The following NNMT variants were observed in gnomAD, a reference collection of about 807,000 sequenced individuals.
The protein encoded by NNMT is nicotinamide N-methyltransferase.
A neutral mutation model predicts 11.7 loss-of-function variants in NNMT; 10 were observed. That is an observed-to-expected ratio of 0.85 (90% CI 0.53 to 1.45). The LOEUF is 1.45. Among genes scored for constraint, NNMT ranks in the 40% most tolerant of loss-of-function variants. The pLI, the probability that NNMT is intolerant of heterozygous loss-of-function variation, is 0.00. For missense variants in NNMT, 381 were observed against 319.4 expected (o/e 1.19, Z -1.47); for synonymous variants, 143 against 133.8 (o/e 1.07, Z -0.48).
At chr11:114,265,859 C>T (rs1945116035) in intron 2 of NNMT, among the ~76,000 whole-genome samples, 1 of 152,106 alleles carries the variant, frequency 6.6e-6, no homozygotes, top group Non-Finnish European at 1.5e-5. Context: ...TATTATTCTG[C>T]ACCGCCAAGT....
chr11:114,311,466 T>C (rs1945548602), intron 2 of NNMT, among the ~76,000 whole-genome samples: 1 of 152,248 alleles, frequency 6.6e-6, no homozygotes, highest in African/African-American at 2.4e-5. Context: ...AATCTGAGAA[T>C]GGGAAATGTA....
intron 2 of NNMT, among the ~76,000 whole-genome samples, chr11:114,278,559 CAG>C (rs1016903201): frequency 1.3e-5 from 2 of 151,794 alleles, no homozygotes; most frequent in African/African-American, 2.4e-5. Context: ...TCCAAGCAGG[CAG>C]AGAGTACCAG....
At chr11:114,275,068 C>T (rs1307508035) in intron 2 of NNMT, among the ~76,000 whole-genome samples, 4 of 152,192 alleles carry the variant, frequency 2.6e-5, no homozygotes, top group Admixed American at 2.6e-4. Flanking sequence ...CAAAATACCC[C>T]ACATCCTAGT....
intron 2 of NNMT, among the ~76,000 whole-genome samples, chr11:114,276,650 T>G (rs539993060): frequency 2.0e-5 from 3 of 152,164 alleles, no homozygotes; most frequent in African/African-American, 4.8e-5. Flanking sequence ...AAGCTGTGCT[T>G]CTTCTTGTTT....
chr11:114,306,620 T>C (rs1270641806), intron 2 of NNMT, among the ~76,000 whole-genome samples: 1 of 152,156 alleles, frequency 6.6e-6, no homozygotes, highest in African/African-American at 2.4e-5. Context: ...TTTCCCTATT[T>C]CTTGTTTTTG....
chr11:114,309,884 G>A (rs1945534257), intron 2 of NNMT, among the ~76,000 whole-genome samples: 1 of 152,070 alleles, frequency 6.6e-6, no homozygotes, highest in Admixed American at 6.5e-5. Context: ...TACAATATGT[G>A]GCCTTTTGGT....
At chr11:114,279,767 G>A (rs953825461) in intron 2 of NNMT, among the ~76,000 whole-genome samples, 1 of 152,204 alleles carries the variant, frequency 6.6e-6, no homozygotes, top group Admixed American at 6.5e-5. Flanking sequence ...AGAATGTGAG[G>A]ATAACAATTT....
In NNMT at chr11:114,286,824, C is replaced by T. The variant is rs145593970; in HGVS notation, c.-129-9604C>T. Among the ~76,000 whole-genome samples, 179 of 152,314 alleles carry T rather than the reference C, an allele frequency of 1.2e-3. 1 individual carries two copies. The highest frequency in any genetic ancestry group is 4.1e-3 in the African/African-American group (172 of 41,566). On this transcript the variant is annotated intron_variant, in intron 2 of 4. Coordinates refer to the NNMT transcript ENST00000535401. ...ACTGGGCATAGGGTACGCAGCAACT[C>T]AACTCTACCAGTCAATGCCAGACTG...
At chr11:114,295,691 A>G (rs931843931), upstream of NNMT, 2 of 152,090 alleles carry the variant, frequency 1.3e-5, no homozygotes, top group African/African-American at 4.8e-5. Flanking sequence ...AGCCTCCCAA[A>G]GTGCTGGGAT....
At chr11:114,294,029 AG>A (rs201589669), upstream of NNMT, among the ~76,000 whole-genome samples, 826 of 152,328 alleles carry the variant, frequency 5.4e-3, 5 homozygotes, top group African/African-American at 0.019. Context: ...GAAATAAACC[AG>A]GCACAGAAAG....
chr11:114,266,359 T>G (rs1164344991), intron 2 of NNMT, among the ~76,000 whole-genome samples: 1 of 152,212 alleles, frequency 6.6e-6, no homozygotes, highest in Non-Finnish European at 1.5e-5. Context: ...ACTAGCTATC[T>G]TGCTCTTCTT....
Position 114,279,206 on chromosome 11 carries a change from G to A in NNMT, c.-130+16272G>A, listed in dbSNP as rs976520183. On this transcript the variant is annotated intron_variant, in intron 2 of 4. Transcript: ENST00000535401. Reference sequence around the variant, plus strand: ...AGGGTGATACTGACATGTACAAGGCGTGGCTAGTGACAGTGAAGAGCTTAC... The same window carrying A: ...AGGGTGATACTGACATGTACAAGGCATGGCTAGTGACAGTGAAGAGCTTAC... 6.6e-5 allele frequency among the ~76,000 whole-genome samples: 10 copies of A among 152,160 alleles called. 1 individual carries two copies. Among genetic ancestry groups the A allele is most frequent in the South Asian group, 4.1e-4 (2 of 4,832 alleles).
chr11:114,289,590 A>C (rs1158270794), intron 2 of NNMT, among the ~76,000 whole-genome samples: 9 of 152,160 alleles, frequency 5.9e-5, no homozygotes, highest in Non-Finnish European at 1.3e-4. Context: ...TATAATTTCC[A>C]TTATGATTTC....
chr11:114,278,105 G>C (rs1945228339), intron 2 of NNMT, among the ~76,000 whole-genome samples: 1 of 152,188 alleles, frequency 6.6e-6, no homozygotes, highest in South Asian at 2.1e-4. Flanking sequence ...AGCTTTATTT[G>C]GCTCATGGTT....
chr11:114,285,394 G>A (rs1471850424), intron 2 of NNMT, among the ~76,000 whole-genome samples: 4 of 152,060 alleles, frequency 2.6e-5, no homozygotes, highest in African/African-American at 9.7e-5. Context: ...TTACCCCAAA[G>A]GTAGCCATGA....
At position 114,313,413 on chromosome 11, in the gene NNMT, G is replaced by A. The variant is rs10891646; in HGVS notation, c.*936G>A. 26,914 of 152,040 alleles carry A rather than the reference G, an allele frequency of 0.18. 2,381 individuals carry two copies. The highest frequency in any genetic ancestry group is 0.19 in the Admixed American group (2,903 of 15,274). 9.4% of individuals were successfully genotyped at this position (152,040 alleles called of 1,614,324 possible). On this transcript the variant is annotated 3_prime_UTR_variant, in exon 3 of 3. Coordinates refer to ENST00000299964, the MANE Select transcript of NNMT (RefSeq NM_006169.3). ...GGAGGATGGCTTGAGCCCGGGAGGCGGAGGTTGCAATGAACTGAGATCGCA... is the reference window on the plus strand; with the variant it reads ...GGAGGATGGCTTGAGCCCGGGAGGCAGAGGTTGCAATGAACTGAGATCGCA...
chr11:114,296,098 C>T (rs1234979440), upstream of NNMT: 1 of 154,292 alleles, frequency 6.5e-6, no homozygotes, highest in Non-Finnish European at 1.4e-5. Context: ...AACCATTCTT[C>T]GTGACCCCTT....
intron 1 of NNMT, among the ~76,000 whole-genome samples, chr11:114,261,085 G>A (rs1945076759): frequency 1.3e-5 from 2 of 152,338 alleles, no homozygotes; most frequent in South Asian, 2.1e-4. Context: ...GCTCTGGCTG[G>A]TCTGGAAGGG....
intron 2 of NNMT, among the ~76,000 whole-genome samples, chr11:114,264,451 T>G (rs1457009893): frequency 6.6e-6 from 1 of 152,214 alleles, no homozygotes; most frequent in African/African-American, 2.4e-5. Flanking sequence ...AAACTCAGTT[T>G]CTTCCTGCCA....
Sources: allele counts gnomAD v4.1 joint callset (sites outside exome capture counted in the v4.1 genomes callset), GRCh38; gene constraint gnomAD v4.1.1; transcripts MANE v1.5; gene names NCBI Gene and HGNC (gene_info 2026-07-23, HGNC 2026-07-21).